The following SMG5 variants were observed in gnomAD, a reference collection of about 807,000 sequenced individuals.
SMG5 encodes nonsense-mediated mRNA decay factor SMG5.
SMG5 carries 53 observed loss-of-function variants against 122.9 expected under a neutral mutation model. The ratio of observed to expected loss-of-function variants is 0.43; its 90% CI spans 0.35 to 0.54. The LOEUF is 0.54. Among genes scored for constraint, SMG5 ranks in the 20% least tolerant of loss-of-function variants. SMG5 has a pLI of 0.01. For missense variants in SMG5, 1,153 were observed against 1,285.6 expected, an observed-to-expected ratio of 0.90 and a Z score of 1.58; for synonymous variants, 477 against 490.2, an observed-to-expected ratio of 0.97 and a Z score of 0.35.
At chr1:156,271,662 CTCCTGGGTTCAAGTGAT>C (rs983641569) in intron 7 of SMG5, among the ~76,000 whole-genome samples, 3 of 90,760 alleles carry the variant, frequency 3.3e-5, no homozygotes, top group African/African-American at 8.9e-5. Context: ...CAACCTCTGC[CTCCTGGGTTCAAGTGAT>C]TCTCCTGCGT....
rs1663004441 is a variant in SMG5 at position 156,282,551 on chromosome 1, C to G, written c.74+56G>C. 3 of 1,540,940 alleles carry G rather than the reference C, an allele frequency of 1.9e-6. No homozygotes were observed. In the East Asian group the frequency reaches 7.2e-5, roughly 37 times the overall value. On this transcript the variant is annotated intron_variant, in intron 1 of 21. Transcript: ENST00000361813. ...CCCCGCCCGCCCGGGAGGCCCCGCCCCTCGCCGTCTCCCCACTTCCCTCGG... is the reference window on the plus strand; with the variant it reads ...CCCCGCCCGCCCGGGAGGCCCCGCCGCTCGCCGTCTCCCCACTTCCCTCGG...
chr1:156,287,096 C>T (rs1663189554), upstream of SMG5, among the ~76,000 whole-genome samples: 1 of 151,944 alleles, frequency 6.6e-6, no homozygotes, highest in Admixed American at 6.6e-5. Context: ...GTACTCTAGC[C>T]TGGACGACAG....
chr1:156,285,715 G>T, upstream of SMG5: 2 of 1,613,246 alleles, frequency 1.2e-6, no homozygotes, highest in Non-Finnish European at 1.7e-6. Context: ...TGCCCCCCCG[G>T]GTCACCCACC....
chr1:156,286,598 G>A, upstream of SMG5: 1 of 925,480 alleles, frequency 1.1e-6, no homozygotes, highest in Non-Finnish European at 1.6e-6. Context: ...TGTGTGCCCT[G>A]GGGAGATAAG....
At chr1:156,261,683 T>G (rs1661845378) in intron 13 of SMG5, among the ~76,000 whole-genome samples, 2 of 150,944 alleles carry the variant, frequency 1.3e-5, no homozygotes, top group African/African-American at 4.9e-5. Flanking sequence ...AGGTCAGGAG[T>G]TGGAGACCAG....
At chr1:156,264,294 G>C (rs201164999) in intron 12 of SMG5, among the ~76,000 whole-genome samples, 1 of 71,522 alleles carries the variant, frequency 1.4e-5, no homozygotes, top group Non-Finnish European at 3.0e-5. Context: ...AAAAAAAAAA[G>C]AGTTACTTTT....
rs1278146853 is a variant in SMG5 at position 156,259,178 on chromosome 1, A to G, written c.2284-15T>C. Reference sequence around the variant, plus strand: ...CGCACCACTGACTGTGGGGAGATACAGGAGCCCAGCGCTGCTGAGCAGGGC... The same window carrying G: ...CGCACCACTGACTGTGGGGAGATACGGGAGCCCAGCGCTGCTGAGCAGGGC... On this transcript the variant is annotated splice_polypyrimidine_tract_variant and intron_variant, in intron 15 of 21. Transcript: ENST00000361813. 6.4e-7 allele frequency: 1 copy of G among 1,555,120 alleles called. No individual in the cohort carries two copies. The highest frequency in any genetic ancestry group is 1.9e-5 in the Admixed American group (1 of 53,292).
At position 156,253,522 on chromosome 1, in the gene SMG5, A is replaced by G. The variant is rs528794033; in HGVS notation, c.2443-14T>C. On this transcript the variant is annotated splice_polypyrimidine_tract_variant and intron_variant, in intron 16 of 21. Coordinates refer to ENST00000361813, the MANE Select transcript of SMG5 (RefSeq NM_015327.3). ...TTCCTCCTGTGCCTATGAGGGAAAA[A>G]ATGAGCTGTAAGGAGTTGGGGTGTA... The G allele has an allele frequency of 1.9e-5, 30 of 1,613,870 alleles. 1 individual carries two copies. In the South Asian group the frequency reaches 3.3e-4, roughly 18 times the overall value.
the SMG5 span, chr1:156,291,447 C>T: frequency 6.2e-7 from 1 of 1,613,990 alleles, no homozygotes; most frequent in South Asian, 1.1e-5. Context: ...TACGGCCTGA[C>T]GTTTCTGCCA....
At chr1:156,286,799 T>G (rs1003662414), upstream of SMG5, among the ~76,000 whole-genome samples, 1 of 152,202 alleles carries the variant, frequency 6.6e-6, no homozygotes, top group Non-Finnish European at 1.5e-5. Context: ...TGTAACCAAA[T>G]GTACAACTTA....
At chr1:156,271,539 T>C (rs1356905731) in intron 7 of SMG5, among the ~76,000 whole-genome samples, 2 of 151,500 alleles carry the variant, frequency 1.3e-5, no homozygotes, top group Non-Finnish European at 2.9e-5. Context: ...TACCCTAAGC[T>C]TAATCAATTT....
rs1261663544 is a variant in SMG5 at position 156,261,357 on chromosome 1, C to A, written c.2083G>T (p.Ala695Ser). The A allele has an allele frequency of 1.7e-5, 27 of 1,614,054 alleles. No homozygotes were observed. Among genetic ancestry groups the A allele is most frequent in the Non-Finnish European group, 2.2e-5 (26 of 1,180,040 alleles). ...CCAGACTCCTGGAGTTCACCAGCAG[C>A]AGGCAACAGATTCAGCAACACAGAC... Reference protein sequence around the residue: ...RLSVLLNLLPAAGELQESGLA... With the variant: ...RLSVLLNLLPSAGELQESGLA... The change falls in exon 14 of 22, where the codon GCT (alanine) becomes TCT (serine). Residue 695 changes from alanine (A) to serine (S), a missense_variant. Physicochemically the swap from Ala to Ser is moderately conservative, Grantham distance 99. Transcript: ENST00000361813.
intron 12 of SMG5, 98 bp downstream of exon 12, chr1:156,265,683 C>G (rs114247648): frequency 2.0e-4 from 301 of 1,519,512 alleles, no homozygotes; most frequent in Non-Finnish European, 2.6e-4. Flanking sequence ...AGGGTAGAGA[C>G]GAGAGGTCAT....
upstream of SMG5, chr1:156,283,139 G>A: frequency 3.3e-6 from 1 of 300,574 alleles, no homozygotes; most frequent in African/African-American, 2.2e-5. Context: ...CCCCTTTCCC[G>A]CCTCCCCGTT....
chr1:156,251,127 G>A (rs1200850075), intron 20 of SMG5, 131 bp from the exon 21 acceptor site: 2 of 1,270,646 alleles, frequency 1.6e-6, no homozygotes, highest in Non-Finnish European at 2.2e-6. Flanking sequence ...CCTGGAAGCT[G>A]GCCCTGGAGA....
intron 7 of SMG5, among the ~76,000 whole-genome samples, chr1:156,269,015 G>A (rs1311844780): frequency 1.3e-5 from 2 of 149,938 alleles, no homozygotes; most frequent in African/African-American, 4.9e-5. Context: ...CTATCACCCT[G>A]GCTGGAGTGC....
upstream of SMG5, chr1:156,285,811 T>A: frequency 6.2e-7 from 1 of 1,613,670 alleles, no homozygotes; most frequent in Non-Finnish European, 8.5e-7. Flanking sequence ...GTGGAGACCG[T>A]GAGTGGCTAA....
intron 18 of SMG5, 28 bp from the exon 19 acceptor site, chr1:156,252,532 A>C: frequency 6.2e-7 from 1 of 1,608,942 alleles, no homozygotes; most frequent in Middle Eastern, 1.7e-4. Flanking sequence ...GAAAGACAAA[A>C]CAGATAAGCT....
At chr1:156,263,856 G>C (rs1661983139) in intron 12 of SMG5, among the ~76,000 whole-genome samples, 1 of 152,172 alleles carries the variant, frequency 6.6e-6, no homozygotes, top group Admixed American at 6.5e-5. Context: ...TTGTGACGTT[G>C]ATCTACAGCT....
Sources: gnomAD v4.1 joint callset for allele counts (sites outside exome capture counted in the v4.1 genomes callset) on GRCh38, gnomAD v4.1.1 for gene constraint, MANE v1.5 for transcripts, NCBI Gene and HGNC (gene_info 2026-07-23, HGNC 2026-07-21) for gene names.